Variants in PHF1 observed in about 807,000 individuals in gnomAD.
PHF1 encodes the protein polycomb-like 1.
A neutral mutation model predicts 69.4 loss-of-function variants in PHF1; 16 were observed. The observed-to-expected ratio is 0.23, with a 90% CI of 0.16 to 0.35. The LOEUF (loss-of-function observed/expected upper bound fraction) is 0.35. Ranked by LOEUF, PHF1 falls within the 10% of genes least tolerant of loss-of-function variation. The probability of loss-of-function intolerance (pLI) is 1.00; values close to 1 mark genes in which losing one functional copy is unlikely to be tolerated. For synonymous variants in PHF1, 274 were observed against 275.0 expected (o/e 1.00, Z 0.04); for missense variants, 515 against 732.8 (o/e 0.70, Z 3.43).
chr6:33,411,420 G>A (rs920489690), intron 1 of PHF1, among the ~76,000 whole-genome samples: 1 of 152,064 alleles, frequency 6.6e-6, no homozygotes, highest in Non-Finnish European at 1.5e-5. Flanking sequence ...CTAACCCGGG[G>A]GCAGGGAGCC....
Position 33,416,410 on chromosome 6 carries a change from G to C in PHF1, c.*312G>C, listed in dbSNP as rs1055083255. 8 of 544,570 alleles carry C rather than the reference G, an allele frequency of 1.5e-5. No individual in the cohort carries two copies. Among genetic ancestry groups the C allele is most frequent in the Non-Finnish European group, 2.3e-5 (7 of 306,024 alleles). 33.7% of individuals were successfully genotyped at this position (544,570 alleles called of 1,614,324 possible). Reference sequence around the variant, plus strand: ...AGGATGATAAGGGATCCCGGACTCTGTATGATTGAAATAAAGAGAAATAAA... The same window carrying C: ...AGGATGATAAGGGATCCCGGACTCTCTATGATTGAAATAAAGAGAAATAAA... On this transcript the variant is annotated 3_prime_UTR_variant, in exon 15 of 15. Coordinates refer to ENST00000374516, the MANE Select transcript of PHF1 (RefSeq NM_024165.3).
rs753219003 is a variant in PHF1 at position 33,415,008 on chromosome 6, G to C, written c.1103G>C (p.Arg368Pro). Reference protein sequence around the residue: ...GGGVSRPLGKRRRPEPEPLRR... With the variant: ...GGGVSRPLGKPRRPEPEPLRR... ...GGGGTCTCACGTCCCCTGGGGAAGCGCCGGAGGCCGGAGCCAGAGCCCCTG... is the reference window on the plus strand; with the variant it reads ...GGGGTCTCACGTCCCCTGGGGAAGCCCCGGAGGCCGGAGCCAGAGCCCCTG... The change falls in exon 12 of 15, where the codon CGC becomes CCC. Residue 368 changes from arginine (R) to proline (P), a missense_variant. Transcript: ENST00000374516. 2 of 1,564,262 alleles carry C rather than the reference G, an allele frequency of 1.3e-6. No individual in the cohort carries two copies. The highest frequency in any genetic ancestry group is 1.4e-5 in the African/African-American group (1 of 73,354).
At position 33,415,327 on chromosome 6, in the gene PHF1, C is replaced by G. The variant is rs1416751913; in HGVS notation, c.1332C>G (p.Pro444=). The G allele has an allele frequency of 6.2e-7, 1 of 1,610,566 alleles. No individual in the cohort carries two copies. Among genetic ancestry groups the G allele is most frequent in the Non-Finnish European group, 8.5e-7 (1 of 1,177,724 alleles). The part of the protein sequence containing the change: ...NFRPTDARCL[P]SSPIRMFASF... Reference sequence around the variant, plus strand: ...GGCCCACAGATGCCCGCTGCCTGCCCAGGTCAGTGCTCCTCTGCCCCTCCC... The same window carrying G: ...GGCCCACAGATGCCCGCTGCCTGCCGAGGTCAGTGCTCCTCTGCCCCTCCC... Residue 444 remains proline, a splice_region_variant and synonymous_variant, in exon 13 of 15, where the codon CCC becomes CCG. Coordinates refer to ENST00000374516, the MANE Select transcript of PHF1 (RefSeq NM_024165.3).
chr6:33,412,705 C>T lies in PHF1; in HGVS notation c.249C>T (p.Leu83=), dbSNP rs41267645. The T allele has an allele frequency of 5.6e-3, 9,050 of 1,614,050 alleles. 41 individuals carry two copies. Among genetic ancestry groups the T allele is most frequent in the Non-Finnish European group, 7.1e-3 (8,377 of 1,179,878 alleles). ...CACTGTGTTCTCTCACAGCTGCCCT[C>T]CCTGGAGAGGAACTCCTCTGTTGTG... ...VLWKDISPAA[L]PGEELLCCVC... The change falls in exon 4 of 15, where the codon CTC becomes CTT. Residue 83 remains leucine, a synonymous_variant. Coordinates refer to ENST00000374516, the MANE Select transcript of PHF1 (RefSeq NM_024165.3). This position sits in a 1 kb window ranked among gnomAD's most constrained non-coding sequence, Gnocchi z 4.2.
At chr6:33,413,965 C>G in intron 7 of PHF1, 76 bp from the exon 8 acceptor site, 2 of 1,589,226 alleles carry the variant, frequency 1.3e-6, no homozygotes, top group South Asian at 1.1e-5. Flanking sequence ...TTTGCCCCGT[C>G]CTTGCTTGTG....
chr6:33,415,440 G>A (rs1776394115), intron 13 of PHF1, 111 bp downstream of exon 13: 13 of 1,212,564 alleles, frequency 1.1e-5, no homozygotes, highest in Admixed American at 1.9e-5. Flanking sequence ...CCCACTTCTT[G>A]GCCTAGACCG....
chr6:33,412,474 T>C lies in PHF1; in HGVS notation c.160-34T>C. On this transcript the variant is annotated intron_variant, in intron 2 of 14. Transcript: ENST00000374516. This position sits in a 1 kb window ranked among gnomAD's most constrained non-coding sequence, Gnocchi z 4.2. ...TCCTAGTTCCCTTATCTAATTCTGG[T>C]TCCCATTTCATCCTGTTTGCTCACC... The C allele has an allele frequency of 6.2e-7, 1 of 1,614,202 alleles. No homozygotes were observed. Among genetic ancestry groups the C allele is most frequent in the Non-Finnish European group, 8.5e-7 (1 of 1,179,982 alleles).
chr6:33,416,014 C>T lies in PHF1; in HGVS notation c.1620C>T (p.Asp540=). The change falls in exon 15 of 15, where the codon GAC becomes GAT. Residue 540 remains aspartate (D), a synonymous_variant. Coordinates refer to ENST00000374516, the MANE Select transcript of PHF1 (RefSeq NM_024165.3). The stretch of plus-strand genomic sequence containing the variant: ...GGGTTGGTTACCTGTCCCGAGGGGA[C>T]CCTGTCCGGGTCCTTGCTCGGAGAG... ...RGGVGYLSRG[D]PVRVLARRVR... is the part of the protein sequence containing the mutation. 6 of 1,613,452 alleles carry T rather than the reference C, an allele frequency of 3.7e-6. No individual in the cohort carries two copies. Among genetic ancestry groups the T allele is most frequent in the Non-Finnish European group, 5.1e-6 (6 of 1,179,564 alleles).
rs373454319 is a variant in PHF1 at position 33,415,946 on chromosome 6, T to G, written c.1552T>G (p.Cys518Gly). 17 of 1,614,138 alleles carry G rather than the reference T, an allele frequency of 1.1e-5. No homozygotes were observed. The highest frequency in any genetic ancestry group is 1.4e-5 in the Non-Finnish European group (17 of 1,179,980). Reference sequence around the variant, plus strand: ...ACGCTCAGCACCCCCTTCTCCCCTGTGCCGTAGTTTGTCTCCTGGGACTGG... The same window carrying G: ...ACGCTCAGCACCCCCTTCTCCCCTGGGCCGTAGTTTGTCTCCTGGGACTGG... The part of the protein sequence containing the change: ...PRRSAPPSPL[C>G]RSLSPGTGGG... The change falls in exon 15 of 15, where the codon TGC (cysteine) becomes GGC (glycine). Residue 518 changes from cysteine to glycine, a missense_variant. Physicochemically the swap from Cys to Gly is radical, Grantham distance 159. Coordinates refer to ENST00000374516, the MANE Select transcript of PHF1 (RefSeq NM_024165.3).
At position 33,414,191 on chromosome 6, in the gene PHF1, C is replaced by G; in HGVS notation, c.753-52C>G. 1.2e-6 allele frequency: 2 copies of G among 1,613,922 alleles called. No homozygotes were observed. The highest frequency in any genetic ancestry group is 1.7e-6 in the Non-Finnish European group (2 of 1,179,818). The stretch of plus-strand genomic sequence containing the variant: ...TATGCCCCAACCTCCCACCTCAGGA[C>G]TCCCCTGGCTCTTAAAATGCCTCTG... On this transcript the variant is annotated intron_variant, in intron 8 of 14. Transcript: ENST00000374516. The surrounding 1 kb of genome is among the most constrained non-coding windows in gnomAD (Gnocchi z 5.0).
upstream of PHF1, chr6:33,410,935 C>G (rs1315407104): frequency 1.4e-5 from 2 of 146,830 alleles, no homozygotes; most frequent in African/African-American, 2.5e-5. Flanking sequence ...TCCGGCTCCT[C>G]CTTTCCCCCA....
chr6:33,415,220 TG>T lies in PHF1; in HGVS notation c.1240-14del, dbSNP rs754410970. On this transcript the variant is annotated splice_polypyrimidine_tract_variant and intron_variant, in intron 12 of 14. Transcript: ENST00000374516. ...AGTCAAGGATTATCTCTCAGTCCTT[TG>T]CCCCCTCTTCTAGGCCTCAGTGTCT... 6.2e-7 allele frequency: 1 copy of T among 1,612,964 alleles called. No homozygotes were observed. Among genetic ancestry groups the T allele is most frequent in the South Asian group, 1.1e-5 (1 of 91,070 alleles).
chr6:33,414,026 C>A lies in PHF1; in HGVS notation c.684-15C>A, dbSNP rs1450318357. 1 of 1,613,860 alleles carries A rather than the reference C, an allele frequency of 6.2e-7. No homozygotes were observed. The highest frequency in any genetic ancestry group is 1.7e-5 in the Admixed American group (1 of 60,002). On this transcript the variant is annotated splice_polypyrimidine_tract_variant and intron_variant, in intron 7 of 14. Coordinates refer to ENST00000374516, the MANE Select transcript of PHF1 (RefSeq NM_024165.3). This position sits in a 1 kb window ranked among gnomAD's most constrained non-coding sequence, Gnocchi z 5.0. ...TCCTGTGTAAGTGTGTTTGCTCCCTCTTGCCCATGTCCAGGTTCTATGAAT... is the reference window on the plus strand; with the variant it reads ...TCCTGTGTAAGTGTGTTTGCTCCCTATTGCCCATGTCCAGGTTCTATGAAT...
In PHF1 at chr6:33,412,343, C is replaced by A. The variant is rs765098175; in HGVS notation, c.80C>A (p.Pro27His). 6.2e-7 allele frequency: 1 copy of A among 1,614,194 alleles called. No homozygotes were observed. The highest frequency in any genetic ancestry group is 1.7e-5 in the Admixed American group (1 of 60,024). ...GCTTCTCCTGCTCCCACCTCTGGCC[C>A]CAGGCCTCGGCTTTGGGAGGGTCAA... ...DPASPAPTSG[P>H]RPRLWEGQDV... The change falls in exon 2 of 15, where the codon CCC (proline) becomes CAC (histidine). Residue 27 changes from proline (P) to histidine (H), a missense_variant. Pro to His is a moderately conservative substitution (Grantham distance 77). Coordinates refer to ENST00000374516, the MANE Select transcript of PHF1 (RefSeq NM_024165.3). The surrounding 1 kb of genome is among the most constrained non-coding windows in gnomAD (Gnocchi z 4.2).
chr6:33,411,168 C>T lies in PHF1; in HGVS notation c.-64C>T, dbSNP rs921660087. 7 of 152,046 alleles carry T rather than the reference C, an allele frequency of 4.6e-5. No homozygotes were observed. The highest frequency in any genetic ancestry group is 1.7e-4 in the African/African-American group (7 of 41,346). 9.4% of individuals were successfully genotyped at this position (152,046 alleles called of 1,614,324 possible). ...CTCCGCGCGGGGGACTCGCCTAGGTCTCCTACGTCTGCCCCTGCCCGGCTC... is the reference window on the plus strand; with the variant it reads ...CTCCGCGCGGGGGACTCGCCTAGGTTTCCTACGTCTGCCCCTGCCCGGCTC... On this transcript the variant is annotated 5_prime_UTR_variant, in exon 1 of 15. Transcript: ENST00000374516.
chr6:33,414,600 A>G lies in PHF1; in HGVS notation c.944+56A>G. 6.3e-7 allele frequency: 1 copy of G among 1,591,632 alleles called. No homozygotes were observed. Among genetic ancestry groups the G allele is most frequent in the Non-Finnish European group, 8.6e-7 (1 of 1,160,350 alleles). Reference sequence around the variant, plus strand: ...AGGCTCGGAAAGAGATGGAGAGTGGAAGCCTGGAAGGGGAGGGGCTTGCAA... The same window carrying G: ...AGGCTCGGAAAGAGATGGAGAGTGGGAGCCTGGAAGGGGAGGGGCTTGCAA... On this transcript the variant is annotated intron_variant, in intron 10 of 14. Coordinates refer to ENST00000374516, the MANE Select transcript of PHF1 (RefSeq NM_024165.3). The surrounding 1 kb of genome is among the most constrained non-coding windows in gnomAD (Gnocchi z 5.0).
chr6:33,413,569 GA>G lies in PHF1; in HGVS notation c.587+13del, dbSNP rs766835712. ...GGTGGCCCTGGGGAGTGAGTAATGAGAGGGGAGCAGACTGTGGAATGAATGA... is the reference window on the plus strand; with the variant it reads ...GGTGGCCCTGGGGAGTGAGTAATGAGGGGGAGCAGACTGTGGAATGAATGA... On this transcript the variant is annotated intron_variant, in intron 6 of 14. Transcript: ENST00000374516. The G allele has an allele frequency of 3.7e-6, 6 of 1,614,148 alleles. No individual in the cohort carries two copies. The highest frequency in any genetic ancestry group is 4.2e-6 in the Non-Finnish European group (5 of 1,180,006).
chr6:33,410,883 T>C (rs1442537771), upstream of PHF1: 4 of 151,892 alleles, frequency 2.6e-5, no homozygotes, highest in Non-Finnish European at 4.4e-5. Context: ...CCAGGCCTGT[T>C]GGAGGTGAGG....
At chr6:33,413,919 A>G (rs913034832) in intron 7 of PHF1, 88 bp downstream of exon 7, 39 of 1,525,724 alleles carry the variant, frequency 2.6e-5, no homozygotes, top group Admixed American at 1.7e-4. Flanking sequence ...TCTCCACTCC[A>G]GTCTCTTCCC....
Sources: gnomAD v4.1 joint callset for allele counts (sites outside exome capture counted in the v4.1 genomes callset) on GRCh38, gnomAD v4.1.1 for gene constraint, Gnocchi (gnomAD v3.1) non-coding constraint, MANE v1.5 for transcripts, NCBI Gene and HGNC (gene_info 2026-07-23, HGNC 2026-07-21) for gene names.